Variants in UBE3D observed in about 807,000 individuals in gnomAD.
UBE3D encodes ubiquitin protein ligase E3D.
In UBE3D, 48 loss-of-function variants were observed where a neutral mutation model predicts 49.6. The observed-to-expected ratio is 0.97, with a 90% confidence interval of 0.77 to 1.23. UBE3D has a LOEUF of 1.23. UBE3D is among the 50% of genes most tolerant of loss of function. The pLI is 0.00. For synonymous variants in UBE3D, 189 were observed against 174.2 expected, an observed-to-expected ratio of 1.08 and a Z score of -0.67; for missense variants, 452 against 468.4, an observed-to-expected ratio of 0.96 and a Z score of 0.32.
intron 8 of UBE3D, among the ~76,000 whole-genome samples, chr6:83,014,918 G>T (rs1029449070): frequency 9.2e-5 from 14 of 152,124 alleles, no homozygotes; most frequent in Non-Finnish European, 2.1e-4. Flanking sequence ...AATTAAGTAG[G>T]AATGCAGTAG....
chr6:83,014,014 G>T (rs1213560827), intron 8 of UBE3D, among the ~76,000 whole-genome samples: 2 of 152,242 alleles, frequency 1.3e-5, no homozygotes, highest in African/African-American at 4.8e-5. Flanking sequence ...ATTGCTTCTG[G>T]TGGGACTTAT....
chr6:82,925,890 C>T (rs971437839), intron 9 of UBE3D, among the ~76,000 whole-genome samples: 1 of 152,052 alleles, frequency 6.6e-6, no homozygotes, highest in Admixed American at 6.6e-5. Flanking sequence ...TAAGTAAAGA[C>T]TAAATGCTCA....
At chr6:82,987,202 A>G (rs901141840) in intron 8 of UBE3D, among the ~76,000 whole-genome samples, 1 of 152,062 alleles carries the variant, frequency 6.6e-6, no homozygotes, top group Non-Finnish European at 1.5e-5. Context: ...ATTTTGAGAC[A>G]AGAGTCTCAC....
chr6:83,063,439 A>G (rs968814503), intron 1 of UBE3D, among the ~76,000 whole-genome samples: 12 of 149,056 alleles, frequency 8.1e-5, no homozygotes, highest in Admixed American at 2.0e-4. Context: ...AAAAAAAAAG[A>G]AAAGAAAATG....
intron 9 of UBE3D, among the ~76,000 whole-genome samples, chr6:82,910,302 CAGA>C (rs1474738456): frequency 3.3e-5 from 5 of 152,160 alleles, no homozygotes; most frequent in African/African-American, 1.2e-4. Flanking sequence ...GTCTTGTACA[CAGA>C]AGGTTTTCAG....
intron 8 of UBE3D, among the ~76,000 whole-genome samples, chr6:82,960,947 T>C (rs1320464413): frequency 6.6e-6 from 1 of 152,192 alleles, no homozygotes; most frequent in Non-Finnish European, 1.5e-5. Context: ...TCTGAATTTT[T>C]TTAAAAAGTG....
At chr6:83,059,688 T>C (rs1231029794) in intron 1 of UBE3D, among the ~76,000 whole-genome samples, 1 of 152,128 alleles carries the variant, frequency 6.6e-6, no homozygotes, top group Non-Finnish European at 1.5e-5. Flanking sequence ...GAAGCATCAT[T>C]GCAAGGGTGG....
chr6:83,031,382 G>A (rs571471562), intron 5 of UBE3D, among the ~76,000 whole-genome samples: 61 of 152,282 alleles, frequency 4.0e-4, no homozygotes, highest in South Asian at 1.0e-3. Flanking sequence ...ATTTGTAGCT[G>A]GACGATTAGG....
chr6:83,034,273 T>C (rs1178454837), intron 5 of UBE3D, among the ~76,000 whole-genome samples: 2 of 152,116 alleles, frequency 1.3e-5, no homozygotes, highest in African/African-American at 2.4e-5. Context: ...TATACTTTTG[T>C]ATCATACTAC....
intron 8 of UBE3D, among the ~76,000 whole-genome samples, chr6:82,968,143 C>T (rs1045734191): frequency 1.3e-5 from 2 of 152,084 alleles, no homozygotes; most frequent in African/African-American, 2.4e-5. Context: ...CCCCAAAATG[C>T]AATTGCTGGG....
chr6:83,047,683 G>A (rs1448467031), intron 3 of UBE3D, among the ~76,000 whole-genome samples: 2 of 152,114 alleles, frequency 1.3e-5, no homozygotes, highest in African/African-American at 4.8e-5. Context: ...GACCCTTGGT[G>A]GCCACTAAAC....
At chr6:82,893,139 A>G in intron 9 of UBE3D, 97 bp from the exon 10 acceptor site, 1 of 1,388,498 alleles carries the variant, frequency 7.2e-7, no homozygotes, top group South Asian at 1.2e-5. Flanking sequence ...TCTGGTCAAT[A>G]AGATCATATG....
rs1779828514 is a variant in UBE3D, at chr6:83,004,335, T to C, written c.1010+14638A>G. On this transcript the variant is annotated intron_variant, in intron 8 of 9. Coordinates refer to ENST00000369747, the MANE Select transcript of UBE3D (RefSeq NM_198920.3). ...TATTTTATGGTGAGAGACTACACGA[T>C]ACAATGAAAAGCACTGAATTTGAAA... Among the ~76,000 whole-genome samples the C allele has an allele frequency of 2.6e-5, 4 of 152,316 alleles. No individual in the cohort carries two copies. The South Asian group carries it at 8.3e-4, about 32-fold the overall frequency.
At chr6:82,975,032 T>C (rs1777618121) in intron 8 of UBE3D, among the ~76,000 whole-genome samples, 1 of 152,132 alleles carries the variant, frequency 6.6e-6, no homozygotes, top group Non-Finnish European at 1.5e-5. Flanking sequence ...ACCAAAATAC[T>C]TTTGTTTAAA....
chr6:82,908,377 A>G (rs1365085175), intron 9 of UBE3D, among the ~76,000 whole-genome samples: 1 of 152,116 alleles, frequency 6.6e-6, no homozygotes, highest in Non-Finnish European at 1.5e-5. Context: ...GAGGCCCGGG[A>G]TGAACAGGAC....
intron 8 of UBE3D, among the ~76,000 whole-genome samples, chr6:82,997,953 T>A (rs149791416): frequency 2.2e-5 from 2 of 91,264 alleles, no homozygotes; most frequent in African/African-American, 8.2e-5. Flanking sequence ...ACCTGGGGAA[T>A]TAGGAATGAT....
At chr6:82,909,586 T>C (rs1406312121) in intron 9 of UBE3D, among the ~76,000 whole-genome samples, 4 of 152,246 alleles carry the variant, frequency 2.6e-5, no homozygotes, top group Admixed American at 1.3e-4. Flanking sequence ...ACATAAGCAT[T>C]CACATCTGCT....
At chr6:82,979,225 A>G (rs1191830638) in intron 8 of UBE3D, among the ~76,000 whole-genome samples, 1 of 152,164 alleles carries the variant, frequency 6.6e-6, no homozygotes, top group Non-Finnish European at 1.5e-5. Context: ...TTTTTAAATC[A>G]TCATATAGAT....
chr6:83,036,479 A>G (rs931113426), intron 5 of UBE3D: 3 of 151,940 alleles, frequency 2.0e-5, no homozygotes, highest in South Asian at 2.1e-4. Flanking sequence ...TTATTTCTTC[A>G]AGGGCATTTT....
Sources: gnomAD v4.1 joint callset for allele counts (sites outside exome capture counted in the v4.1 genomes callset) on GRCh38, gnomAD v4.1.1 for gene constraint, MANE v1.5 for transcripts, NCBI Gene and HGNC (gene_info 2026-07-23, HGNC 2026-07-21) for gene names.